The following CDH18 variants were observed in gnomAD, a reference collection of about 807,000 sequenced individuals.
CDH18 encodes cadherin-18.
A neutral mutation model predicts 67.9 loss-of-function variants in CDH18; 31 were observed. The ratio of observed to expected loss-of-function variants is 0.46; its 90% CI spans 0.34 to 0.62. The LOEUF is 0.62. Ranked by LOEUF, CDH18 falls within the 20% of genes least tolerant of loss-of-function variation. CDH18 has a pLI of 0.01. For synonymous variants in CDH18, 362 were observed against 347.2 expected (o/e 1.04, Z -0.48); for missense variants, 890 against 975.5 (o/e 0.91, Z 1.17).
rs565661087 is a variant in CDH18, at chr5:20,270,371, C to T, written c.-579-14866G>A. Among the ~76,000 whole-genome samples, 128 of 152,002 alleles carry T rather than the reference C, an allele frequency of 8.4e-4. 2 individuals carry two copies. The South Asian group carries it at 0.025, about 30-fold the overall frequency. On this transcript the variant is annotated intron_variant, in intron 1 of 14. Transcript: ENST00000507958. ...ATGTTAAGGAATGAATGGTGTTCCC[C>T]GTATGACAAAAGCTCAATGTCACCG...
chr5:19,992,183 T>G (rs1219869186), upstream of CDH18, among the ~76,000 whole-genome samples: 2 of 152,138 alleles, frequency 1.3e-5, no homozygotes, highest in Non-Finnish European at 1.5e-5. Flanking sequence ...TGTGTTCACT[T>G]TTTAGATTTT....
chr5:19,678,347 A>G (rs963801943), intron 5 of CDH18, among the ~76,000 whole-genome samples: 1 of 151,974 alleles, frequency 6.6e-6, no homozygotes, highest in African/African-American at 2.4e-5. Flanking sequence ...CCATGCAATT[A>G]CATGGAAATT....
chr5:20,417,450 TTTTAGCAC>T (rs1747408907), intron 1 of CDH18, among the ~76,000 whole-genome samples: 4 of 152,210 alleles, frequency 2.6e-5, no homozygotes. Context: ...ATATTTATGC[TTTTAGCAC>T]AATTCTATGA....
chr5:19,920,609 T>C (rs1579599520), intron 2 of CDH18, among the ~76,000 whole-genome samples: 1 of 150,680 alleles, frequency 6.6e-6, no homozygotes, highest in East Asian at 2.0e-4. Flanking sequence ...TGCCTCCTGG[T>C]TTCAAACGAT....
intron 2 of CDH18, among the ~76,000 whole-genome samples, chr5:20,164,807 T>A (rs1736164097): frequency 6.6e-6 from 1 of 152,116 alleles, no homozygotes; most frequent in South Asian, 2.1e-4. Context: ...CCTATTTACA[T>A]TAAAGACTTT....
Position 19,473,333 on chromosome 5 carries a change from C to T in CDH18, c.2266G>A (p.Ala756Thr), listed in dbSNP as rs1205832400. The part of the protein sequence containing the change: ...EAGSISSLDS[A>T]TTQSDQDYHY... ...TAATCCTGGTCTGATTGTGTCGTTGCTGAATCCAGCGAGCTGATAGACCCA... is the reference window on the plus strand; with the variant it reads ...TAATCCTGGTCTGATTGTGTCGTTGTTGAATCCAGCGAGCTGATAGACCCA... Residue 756 changes from alanine (A) to threonine (T), a missense_variant, in exon 13 of 13, where the codon GCA becomes ACA. Around this residue, in one of 2 missense-constraint regions of CDH18, gnomAD observed 656 missense variants for 668.1 expected, o/e 0.98. Coordinates refer to ENST00000382275, the MANE Select transcript of CDH18 (RefSeq NM_004934.5). 3.1e-6 allele frequency: 5 copies of T among 1,613,904 alleles called. No homozygotes were observed. In the Admixed American group the frequency reaches 8.3e-5, roughly 27 times the overall value.
At chr5:20,105,972 T>C (rs1468062088) in intron 2 of CDH18, among the ~76,000 whole-genome samples, 1 of 152,188 alleles carries the variant, frequency 6.6e-6, no homozygotes, top group Non-Finnish European at 1.5e-5. Flanking sequence ...ATGTAGTAAA[T>C]AGGTAGCTGT....
At chr5:19,491,975 A>G (rs1741545660) in intron 11 of CDH18, among the ~76,000 whole-genome samples, 1 of 152,148 alleles carries the variant, frequency 6.6e-6, no homozygotes, top group African/African-American at 2.4e-5. Context: ...TTTTTAAAGA[A>G]TTCAAGTATC....
At chr5:20,477,371 A>C (rs73767548) in intron 1 of CDH18, among the ~76,000 whole-genome samples, 1 of 152,306 alleles carries the variant, frequency 6.6e-6, no homozygotes, top group East Asian at 1.9e-4. Flanking sequence ...ACATCATACC[A>C]AGGAAGGGGG....
intron 5 of CDH18, among the ~76,000 whole-genome samples, chr5:19,637,271 C>T (rs1244213984): frequency 6.6e-6 from 1 of 151,146 alleles, no homozygotes; most frequent in African/African-American, 2.4e-5. Flanking sequence ...TATGCATACA[C>T]TGTGGAATGG....
intron 8 of CDH18, among the ~76,000 whole-genome samples, chr5:19,567,002 T>C (rs951738658): frequency 1.2e-4 from 19 of 152,112 alleles, no homozygotes; most frequent in Admixed American, 1.2e-3. Context: ...TCACATGTTG[T>C]TACTCATATG....
intron 5 of CDH18, among the ~76,000 whole-genome samples, chr5:19,651,388 A>T (rs1176851248): frequency 6.6e-6 from 1 of 152,132 alleles, no homozygotes; most frequent in Admixed American, 6.6e-5. Context: ...AGGTAGTTCA[A>T]TACGTAGTTC....
intron 7 of CDH18, among the ~76,000 whole-genome samples, chr5:19,588,623 C>T (rs1160698075): frequency 2.0e-5 from 3 of 151,832 alleles, no homozygotes; most frequent in Admixed American, 6.6e-5. Context: ...GGAGAAAGAG[C>T]CAAGAGCCAT....
At chr5:19,922,916 T>G (rs1792662944) in intron 2 of CDH18, among the ~76,000 whole-genome samples, 1 of 152,172 alleles carries the variant, frequency 6.6e-6, no homozygotes, top group Non-Finnish European at 1.5e-5. Context: ...AATTATATAT[T>G]CGTTTAATAT....
At chr5:19,866,779 T>C (rs1455150216) in intron 2 of CDH18, among the ~76,000 whole-genome samples, 2 of 152,036 alleles carry the variant, frequency 1.3e-5, no homozygotes, top group Non-Finnish European at 2.9e-5. Flanking sequence ...AATTCGAGCA[T>C]ACAGTTAGGG....
chr5:20,335,453 G>A (rs1341750859), intron 1 of CDH18, among the ~76,000 whole-genome samples: 3 of 151,862 alleles, frequency 2.0e-5, no homozygotes, highest in Non-Finnish European at 2.9e-5. Context: ...CTGTTGCCCA[G>A]GGTAGTCTTG....
intron 1 of CDH18, among the ~76,000 whole-genome samples, chr5:20,448,045 G>C (rs1045597443): frequency 1.3e-5 from 2 of 151,528 alleles, no homozygotes; most frequent in African/African-American, 2.4e-5. Context: ...AATGCTATCC[G>C]TCCCCTCTCC....
rs781531788 is a variant in CDH18 at position 19,612,504 on chromosome 5, C to T, written c.741G>A (p.Gly247=). 1.2e-6 allele frequency: 2 copies of T among 1,613,946 alleles called. No homozygotes were observed. Among genetic ancestry groups the T allele is most frequent in the South Asian group, 1.1e-5 (1 of 91,080 alleles). Residue 247 remains glycine (G), a synonymous_variant, in exon 6 of 13, where the codon GGG becomes GGA. Coordinates refer to ENST00000382275, the MANE Select transcript of CDH18 (RefSeq NM_004934.5). ...TGTTGACTGTTGTAGATCCTGAAAGCCCTCCAACTTGCCCAGCCATGTCTT... is the reference window on the plus strand; with the variant it reads ...TGTTGACTGTTGTAGATCCTGAAAGTCCTCCAACTTGCCCAGCCATGTCTT... The part of the protein sequence containing the change: ...QAKDMAGQVG[G]LSGSTTVNIT...
At chr5:19,678,654 C>T (rs962779352) in intron 5 of CDH18, among the ~76,000 whole-genome samples, 15 of 151,530 alleles carry the variant, frequency 9.9e-5, no homozygotes, top group African/African-American at 2.4e-4. Flanking sequence ...AAATACCTTC[C>T]TAGACTACTA....
Sources: gnomAD v4.1 joint callset for allele counts (sites outside exome capture counted in the v4.1 genomes callset) on GRCh38, gnomAD v4.1.1 for gene constraint, gnomAD v4.1.1 regional missense constraint, MANE v1.5 for transcripts, NCBI Gene and HGNC (gene_info 2026-07-23, HGNC 2026-07-21) for gene names.